The following LAMA3 variants were observed in gnomAD, a reference collection of about 807,000 sequenced individuals.
The protein encoded by LAMA3 is laminin subunit alpha 3.
In LAMA3, 281 loss-of-function variants were observed where a neutral mutation model predicts 402.0. The ratio of observed to expected loss-of-function variants is 0.70; its 90% CI spans 0.63 to 0.77. The LOEUF (loss-of-function observed/expected upper bound fraction) is 0.77, where lower values mean the gene tolerates loss of function less well. LAMA3 is among the 30% of genes least tolerant of loss of function. The pLI, the probability that LAMA3 is intolerant of heterozygous loss-of-function variation, is 0.00. For synonymous variants in LAMA3, 1,431 were observed against 1,558.4 expected (o/e 0.92, Z 1.93); for missense variants, 3,840 against 4,215.5 (o/e 0.91, Z 2.47).
At chr18:23,813,223 A>G (rs1346972122) in intron 14 of LAMA3, 120 bp downstream of exon 14, 5 of 716,702 alleles carry the variant, frequency 7.0e-6, no homozygotes, top group African/African-American at 1.8e-5. Flanking sequence ...AATTGCTTAA[A>G]GAGGTCATTG....
At chr18:23,825,459 C>A (rs1040640742) in intron 21 of LAMA3, among the ~76,000 whole-genome samples, 6 of 152,174 alleles carry the variant, frequency 3.9e-5, no homozygotes, top group African/African-American at 9.7e-5. Context: ...TCGCTTAATT[C>A]CAATCCTGTC....
intron 22 of LAMA3, 112 bp downstream of exon 22, chr18:23,826,911 G>C (rs888683559): frequency 2.8e-6 from 2 of 709,558 alleles, no homozygotes; most frequent in Non-Finnish European, 2.5e-6. Flanking sequence ...ATGATGCTCT[G>C]GATAATTAGT....
intron 44 of LAMA3, among the ~76,000 whole-genome samples, chr18:23,898,109 G>A (rs973464744): frequency 6.6e-6 from 1 of 152,006 alleles, no homozygotes; most frequent in Non-Finnish European, 1.5e-5. Flanking sequence ...CACCATTCTA[G>A]ATATTACGTG....
intron 2 of LAMA3, among the ~76,000 whole-genome samples, chr18:23,736,119 T>A (rs1195457311): frequency 6.6e-6 from 1 of 151,912 alleles, no homozygotes; most frequent in Non-Finnish European, 1.5e-5. Context: ...ATTGAGTGAA[T>A]CTCAAAGCTT....
At chr18:23,941,229 C>T (rs1356495550) in intron 68 of LAMA3, among the ~76,000 whole-genome samples, 1 of 152,030 alleles carries the variant, frequency 6.6e-6, no homozygotes, top group Non-Finnish European at 1.5e-5. Flanking sequence ...AGCCACCGCG[C>T]CCGGCCAACC....
At chr18:23,905,376 CTCTTT>C in intron 51 of LAMA3, 141 bp from the exon 52 acceptor site, 1 of 578,716 alleles carries the variant, frequency 1.7e-6, no homozygotes, top group Non-Finnish European at 3.2e-6. Flanking sequence ...GGAGCCCTAA[CTCTTT>C]TAGGGAACAA....
At chr18:23,719,412 A>G (rs1341477359) in intron 2 of LAMA3, among the ~76,000 whole-genome samples, 1 of 152,250 alleles carries the variant, frequency 6.6e-6, no homozygotes, top group East Asian at 1.9e-4. Context: ...GGCAAATACT[A>G]TGAAAATGTT....
chr18:23,742,060 T>C (rs984061939), intron 2 of LAMA3, among the ~76,000 whole-genome samples: 2 of 152,160 alleles, frequency 1.3e-5, no homozygotes, highest in Non-Finnish European at 2.9e-5. Context: ...AGGTGGAAGT[T>C]GCAGTGAGCC....
In LAMA3 at chr18:23,822,376, G is replaced by T. The variant is rs375558120; in HGVS notation, c.2428+1G>T. On this transcript the variant is annotated splice_donor_variant, in intron 20 of 74. Transcript: ENST00000313654. LOFTEE classifies it high-confidence loss of function. ...CATATAACTATTTATCCATCCTGGG[G>T]TAAGGCACGTAGGTAAAATGTCAAG... 6.2e-7 allele frequency: 1 copy of T among 1,613,258 alleles called. No individual in the cohort carries two copies. The highest frequency in any genetic ancestry group is 1.7e-5 in the Admixed American group (1 of 60,012).
chr18:23,882,176 G>A (rs1035237272), intron 40 of LAMA3, 131 bp downstream of exon 40: 8 of 705,242 alleles, frequency 1.1e-5, no homozygotes, highest in Admixed American at 1.0e-4. Flanking sequence ...TTTTTGAAGG[G>A]ATGAAAACAT....
intron 19 of LAMA3, among the ~76,000 whole-genome samples, chr18:23,821,263 G>A (rs1317960579): frequency 6.6e-6 from 1 of 152,118 alleles, no homozygotes; most frequent in Non-Finnish European, 1.5e-5. Context: ...ATAGATTTTT[G>A]CATATTTGTT....
chr18:23,827,414 G>C lies in LAMA3; in HGVS notation c.2770G>C (p.Val924Leu). ...TGATGGGGAGCCAAGACCCGTGGCA[G>C]TGAGGCAGCCCACACCTGCACACCC... The part of the protein sequence containing the change: ...LLDGEPRPVA[V>L]RQPTPAHPVM... The change falls in exon 23 of 75, where the codon GTG (valine) becomes CTG (leucine). Residue 924 changes from valine to leucine, a missense_variant. Val to Leu is a conservative substitution (Grantham distance 32). Transcript: ENST00000313654. 6.2e-7 allele frequency: 1 copy of C among 1,614,230 alleles called. No individual in the cohort carries two copies. Among genetic ancestry groups the C allele is most frequent in the Non-Finnish European group, 8.5e-7 (1 of 1,180,038 alleles).
intron 74 of LAMA3, 85 bp downstream of exon 74, chr18:23,953,194 G>A: frequency 6.4e-7 from 1 of 1,568,032 alleles, no homozygotes; most frequent in Admixed American, 1.7e-5. Context: ...GGCAGCTCTT[G>A]GCTGGACAGT....
chr18:23,878,716 G>A (rs1029498234), intron 39 of LAMA3, among the ~76,000 whole-genome samples: 2 of 152,162 alleles, frequency 1.3e-5, no homozygotes, highest in Non-Finnish European at 2.9e-5. Context: ...CACCTCTCAA[G>A]GTCCAAAGTA....
intron 2 of LAMA3, among the ~76,000 whole-genome samples, chr18:23,737,740 T>C (rs747202040): frequency 4.6e-5 from 7 of 152,264 alleles, no homozygotes; most frequent in Non-Finnish European, 1.0e-4. Flanking sequence ...GGATTCCTGC[T>C]GCAGGTGAGA....
Position 23,844,871 on chromosome 18 carries a change from A to G in LAMA3, c.3604-138A>G, listed in dbSNP as rs554316828. On this transcript the variant is annotated intron_variant, in intron 29 of 74. Transcript: ENST00000313654. Reference sequence around the variant, plus strand: ...GAGCATGATCTTTGAGCATCATGTCAGTGCTCAAAAAGTTTCAGATTTTGA... The same window carrying G: ...GAGCATGATCTTTGAGCATCATGTCGGTGCTCAAAAAGTTTCAGATTTTGA... 185 of 694,284 alleles carry G rather than the reference A, an allele frequency of 2.7e-4. No individual in the cohort carries two copies. In the African/African-American group the frequency reaches 2.9e-3, roughly 11 times the overall value. The allele number at this position is 694,284 out of a possible 1,614,324, so 43.0% of individuals were successfully genotyped here. A position where few individuals can be genotyped will look rare whatever the true frequency, so the allele number is the denominator to read the frequency against.
At chr18:23,796,462 T>G (rs2062765719) in intron 12 of LAMA3, among the ~76,000 whole-genome samples, 3 of 152,144 alleles carry the variant, frequency 2.0e-5, no homozygotes, top group Admixed American at 1.3e-4. Flanking sequence ...GGCAAAACTA[T>G]GTGTCAGTAA....
At chr18:23,939,026 T>G (rs2082400635) in intron 67 of LAMA3, among the ~76,000 whole-genome samples, 197 bp from the exon 68 acceptor site, 1 of 152,106 alleles carries the variant, frequency 6.6e-6, no homozygotes, top group Non-Finnish European at 1.5e-5. Context: ...AGCTCTCCAT[T>G]CTGCCCACTC....
intron 41 of LAMA3, among the ~76,000 whole-genome samples, chr18:23,886,646 T>G (rs1274770928): frequency 6.6e-6 from 1 of 152,086 alleles, no homozygotes; most frequent in Non-Finnish European, 1.5e-5. Flanking sequence ...GCCAATTTGA[T>G]AGAGAAAAAT....
Sources: allele counts gnomAD v4.1 joint callset (sites outside exome capture counted in the v4.1 genomes callset), GRCh38; gene constraint gnomAD v4.1.1; transcripts MANE v1.5; gene names NCBI Gene and HGNC (gene_info 2026-07-23, HGNC 2026-07-21).